NT5C2: variants seen among roughly 807,000 people sequenced by gnomAD.
NT5C2 encodes the protein cytosolic purine 5'-nucleotidase.
In NT5C2, 58 loss-of-function variants were observed where a neutral mutation model predicts 76.1. The observed-to-expected ratio is 0.76, with a 90% confidence interval of 0.62 to 0.95. The LOEUF is 0.95. NT5C2 is among the 40% of genes least tolerant of loss of function. NT5C2 has a pLI of 0.00. For synonymous variants in NT5C2, 229 were observed against 237.4 expected, an observed-to-expected ratio of 0.96 and a Z score of 0.32; for missense variants, 478 against 690.3, an observed-to-expected ratio of 0.69 and a Z score of 3.45.
At chr10:103,119,318 G>C (rs999722694) in intron 4 of NT5C2, among the ~76,000 whole-genome samples, 2 of 152,156 alleles carry the variant, frequency 1.3e-5, no homozygotes, top group African/African-American at 4.8e-5. Context: ...GCGGTGAGCT[G>C]AGATCGCGCC....
chr10:103,133,729 T>C (rs1421576737), intron 4 of NT5C2, among the ~76,000 whole-genome samples: 9 of 152,034 alleles, frequency 5.9e-5, no homozygotes, highest in Non-Finnish European at 1.3e-4. Context: ...GTTAGAACAA[T>C]TTGGAGGGCT....
At chr10:103,159,722 A>C (rs948220654) in intron 3 of NT5C2, among the ~76,000 whole-genome samples, 5 of 152,106 alleles carry the variant, frequency 3.3e-5, no homozygotes, top group Admixed American at 3.3e-4. Context: ...AGACCTGTAC[A>C]ATGAAGACTA....
intron 4 of NT5C2, among the ~76,000 whole-genome samples, chr10:103,119,072 C>T (rs2075078551): frequency 1.3e-5 from 2 of 152,074 alleles, no homozygotes. Flanking sequence ...ATAAATCTCT[C>T]AAGAATAAGT....
At chr10:103,110,824 T>C (rs1022875044) in intron 4 of NT5C2, among the ~76,000 whole-genome samples, 28 of 152,248 alleles carry the variant, frequency 1.8e-4, no homozygotes, top group African/African-American at 4.3e-4. Flanking sequence ...ACAACCAAGG[T>C]TGGAGACGCA....
Position 103,097,387 on chromosome 10 carries a change from T to C in NT5C2, c.688-13A>G, listed in dbSNP as rs1334522993. 2 of 1,602,852 alleles carry C rather than the reference T, an allele frequency of 1.2e-6. No homozygotes were observed. Among genetic ancestry groups the C allele is most frequent in the East Asian group, 2.2e-5 (1 of 44,726 alleles). ...AAGGCAGTTTTCCCTGAAATGTAATTGGATAATGAGTGAAACACGAAAACA... is the reference window on the plus strand; with the variant it reads ...AAGGCAGTTTTCCCTGAAATGTAATCGGATAATGAGTGAAACACGAAAACA... On this transcript the variant is annotated splice_polypyrimidine_tract_variant and intron_variant, in intron 10 of 18. Transcript: ENST00000404739.
chr10:103,116,139 A>G (rs1339580572), intron 4 of NT5C2, among the ~76,000 whole-genome samples: 1 of 152,144 alleles, frequency 6.6e-6, no homozygotes, highest in African/African-American at 2.4e-5. Context: ...TAAAAAAACC[A>G]TTTTATTGGT....
chr10:103,189,555 G>A (rs1168640195), intron 1 of NT5C2, among the ~76,000 whole-genome samples: 1 of 146,378 alleles, frequency 6.8e-6, no homozygotes, highest in South Asian at 2.2e-4. Context: ...GCAGTGAGCC[G>A]AGATCGCACC....
chr10:103,097,180 A>G, intron 11 of NT5C2, 111 bp downstream of exon 11: 3 of 784,248 alleles, frequency 3.8e-6, no homozygotes, highest in Non-Finnish European at 3.9e-6. Flanking sequence ...GAAAATGAGA[A>G]GGCAAGAAAC....
At chr10:103,114,703 T>C (rs1190265028) in intron 4 of NT5C2, among the ~76,000 whole-genome samples, 1 of 152,212 alleles carries the variant, frequency 6.6e-6, no homozygotes, top group African/African-American at 2.4e-5. Context: ...TAAAGTATTC[T>C]GGGTAATACT....
chr10:103,105,780 C>T lies in NT5C2; in HGVS notation c.315G>A (p.Leu105=), dbSNP rs772640967. 2.5e-6 allele frequency: 4 copies of T among 1,612,718 alleles called. No homozygotes were observed. In the African/African-American group the frequency reaches 4.0e-5, roughly 16 times the overall value. Residue 105 remains leucine, a synonymous_variant, in exon 6 of 19, where the codon CTG becomes CTA. Coordinates refer to ENST00000404739, the MANE Select transcript of NT5C2 (RefSeq NM_001351169.2). ...CATCGACTTTCAAAAGATTTCCATA[C>T]AGTGTGTCAAAGACAAGTCCCCTAT... The part of the protein sequence containing the change: ...FPTRGLVFDT[L]YGNLLKVDAY...
intron 4 of NT5C2, among the ~76,000 whole-genome samples, chr10:103,130,083 G>A (rs1194683822): frequency 1.3e-5 from 2 of 151,936 alleles, no homozygotes; most frequent in African/African-American, 4.8e-5. Flanking sequence ...AACGGGCCAG[G>A]ATGACAATGG....
intron 4 of NT5C2, among the ~76,000 whole-genome samples, chr10:103,138,279 T>C (rs933693801): frequency 5.3e-5 from 8 of 152,212 alleles, no homozygotes; most frequent in African/African-American, 1.9e-4. Flanking sequence ...GGGGTTTGTT[T>C]GTTTTTTGTT....
At chr10:103,135,494 G>C (rs999882458) in intron 4 of NT5C2, among the ~76,000 whole-genome samples, 1 of 152,106 alleles carries the variant, frequency 6.6e-6, no homozygotes, top group African/African-American at 2.4e-5. Flanking sequence ...CTTCTTTCTG[G>C]TTGGGCTCGG....
rs17795366 is a variant in NT5C2 at position 103,090,398 on chromosome 10, T to C, written c.1449+213A>G. Among the ~76,000 whole-genome samples the C allele has an allele frequency of 8.6e-3, 1,312 of 152,278 alleles. 9 individuals are homozygous for C. Among genetic ancestry groups the C allele is most frequent in the Non-Finnish European group, 0.016 (1,086 of 68,008 alleles). Reference sequence around the variant, plus strand: ...TGCCTGGCCCACATACAGCTTTTAATAGAGTAGACTTCAGAGAGTAAAGTT... The same window carrying C: ...TGCCTGGCCCACATACAGCTTTTAACAGAGTAGACTTCAGAGAGTAAAGTT... On this transcript the variant is annotated intron_variant, in intron 18 of 18. Coordinates refer to ENST00000404739, the MANE Select transcript of NT5C2 (RefSeq NM_001351169.2).
intron 3 of NT5C2, among the ~76,000 whole-genome samples, chr10:103,139,932 T>C (rs1488069613): frequency 6.6e-6 from 1 of 152,168 alleles, no homozygotes; most frequent in Non-Finnish European, 1.5e-5. Context: ...TTTGTTTTTG[T>C]TTTTTGAGGC....
At chr10:103,173,220 T>A (rs893596794) in intron 3 of NT5C2, among the ~76,000 whole-genome samples, 1 of 152,124 alleles carries the variant, frequency 6.6e-6, no homozygotes, top group African/African-American at 2.4e-5. Context: ...ACTTTGCTAA[T>A]ACCCAGAGTT....
At chr10:103,137,677 C>G (rs1430731461) in intron 4 of NT5C2, among the ~76,000 whole-genome samples, 1 of 152,198 alleles carries the variant, frequency 6.6e-6, no homozygotes, top group Non-Finnish European at 1.5e-5. Flanking sequence ...CTGAAAGATT[C>G]TGTGTGTCAC....
intron 2 of NT5C2, among the ~76,000 whole-genome samples, chr10:103,176,416 G>C (rs916102729): frequency 1.3e-5 from 2 of 152,184 alleles, no homozygotes; most frequent in African/African-American, 2.4e-5. Context: ...TTCCAAGTAG[G>C]TTTTGTTTAC....
intron 4 of NT5C2, among the ~76,000 whole-genome samples, chr10:103,126,294 A>T (rs1191494493): frequency 1.3e-5 from 2 of 152,180 alleles, no homozygotes; most frequent in African/African-American, 4.8e-5. Context: ...GGGGTGAAAG[A>T]GGAATTGTAA....
Sources: allele counts gnomAD v4.1 joint callset (sites outside exome capture counted in the v4.1 genomes callset), GRCh38; gene constraint gnomAD v4.1.1; transcripts MANE v1.5; gene names NCBI Gene and HGNC (gene_info 2026-07-23, HGNC 2026-07-21).